SLC24A3: variants seen among roughly 807,000 people sequenced by gnomAD.
SLC24A3 encodes solute carrier family 24 member 3.
SLC24A3 carries 28 observed loss-of-function variants against 75.8 expected under a neutral mutation model. The observed-to-expected ratio is 0.37, with a 90% CI of 0.27 to 0.51. SLC24A3 has a LOEUF of 0.51. Among genes scored for constraint, SLC24A3 ranks in the 20% least tolerant of loss-of-function variants. The probability of loss-of-function intolerance (pLI) is 0.94; values close to 1 mark genes in which losing one functional copy is unlikely to be tolerated. For synonymous variants in SLC24A3, 372 were observed against 334.1 expected (o/e 1.11, Z -1.24); for missense variants, 663 against 847.8 (o/e 0.78, Z 2.71).
chr20:19,412,248 G>A (rs985220697), intron 2 of SLC24A3, among the ~76,000 whole-genome samples: 2 of 152,120 alleles, frequency 1.3e-5, no homozygotes, highest in Non-Finnish European at 2.9e-5. Flanking sequence ...AGGCAGGAGT[G>A]ACCCAGACAA....
chr20:19,601,264 A>G (rs2031523606), intron 6 of SLC24A3, among the ~76,000 whole-genome samples: 1 of 152,070 alleles, frequency 6.6e-6, no homozygotes, highest in Non-Finnish European at 1.5e-5. Flanking sequence ...GTCCCAATCC[A>G]CTTTTTCATG....
intron 6 of SLC24A3, among the ~76,000 whole-genome samples, chr20:19,619,185 C>T (rs942994): frequency 0.086 from 13,033 of 152,200 alleles, 1,108 homozygotes; most frequent in African/African-American, 0.22. Flanking sequence ...ACATAAGTGA[C>T]CTTGCATGGC....
intron 2 of SLC24A3, among the ~76,000 whole-genome samples, chr20:19,322,036 C>T (rs559662310): frequency 5.9e-5 from 9 of 152,110 alleles, no homozygotes; most frequent in Admixed American, 2.6e-4. Flanking sequence ...ATCAGGGGTG[C>T]GGTGCCCTTC....
At chr20:19,351,654 C>T (rs6106063) in intron 2 of SLC24A3, among the ~76,000 whole-genome samples, 52,534 of 151,936 alleles carry the variant, frequency 0.35, 9,773 homozygotes, top group Middle Eastern at 0.53. Flanking sequence ...CATCTTTTAT[C>T]GATAGTTGGA....
At chr20:19,543,936 T>G (rs2030545432) in intron 3 of SLC24A3, among the ~76,000 whole-genome samples, 1 of 152,198 alleles carries the variant, frequency 6.6e-6, no homozygotes, top group Admixed American at 6.5e-5. Flanking sequence ...GAATCCTGAG[T>G]GACTCCACAT....
chr20:19,495,810 C>T (rs1457784132), intron 2 of SLC24A3, among the ~76,000 whole-genome samples: 5 of 152,138 alleles, frequency 3.3e-5, no homozygotes, highest in African/African-American at 7.2e-5. Context: ...TCTTCCATAC[C>T]ATGTGGTTCT....
chr20:19,372,310 C>T (rs769779312), intron 2 of SLC24A3, among the ~76,000 whole-genome samples: 1 of 152,086 alleles, frequency 6.6e-6, no homozygotes, highest in African/African-American at 2.4e-5. Context: ...TATAAAGAGA[C>T]CATAAAGGAA....
intron 6 of SLC24A3, among the ~76,000 whole-genome samples, chr20:19,635,941 C>T (rs2031996143): frequency 6.6e-6 from 1 of 152,068 alleles, no homozygotes; most frequent in South Asian, 2.1e-4. Flanking sequence ...GAGATCGAGA[C>T]CATCCTGGCT....
chr20:19,539,801 G>A (rs907827140), intron 3 of SLC24A3, among the ~76,000 whole-genome samples: 2 of 152,180 alleles, frequency 1.3e-5, no homozygotes, highest in Non-Finnish European at 1.5e-5. Context: ...GATGAAAAAT[G>A]GGCAGCCATA....
intron 3 of SLC24A3, among the ~76,000 whole-genome samples, chr20:19,530,148 A>C (rs150093511): frequency 2.4e-4 from 36 of 152,322 alleles, no homozygotes; most frequent in African/African-American, 8.7e-4. Flanking sequence ...GTATTCATAT[A>C]TACTTGATTC....
chr20:19,369,881 TG>T (rs1200060292), intron 2 of SLC24A3, among the ~76,000 whole-genome samples: 3 of 152,168 alleles, frequency 2.0e-5, no homozygotes, highest in Non-Finnish European at 4.4e-5. Context: ...TTACAAAAAC[TG>T]GTCTCTAACT....
chr20:19,421,666 G>A (rs771369025), intron 2 of SLC24A3, among the ~76,000 whole-genome samples: 8 of 152,128 alleles, frequency 5.3e-5, no homozygotes, highest in Non-Finnish European at 1.0e-4. Flanking sequence ...GCTTGCAGAC[G>A]ATTTGAAGAG....
intron 4 of SLC24A3, 22 bp from the exon 5 acceptor site, chr20:19,584,949 C>T (rs1273657310): frequency 1.2e-6 from 2 of 1,604,546 alleles, no homozygotes; most frequent in Middle Eastern, 1.7e-4. Flanking sequence ...CTCACCTGTG[C>T]TTTGTCTTTG....
At chr20:19,356,739 C>A (rs1985692619) in intron 2 of SLC24A3, among the ~76,000 whole-genome samples, 1 of 152,056 alleles carries the variant, frequency 6.6e-6, no homozygotes, top group Non-Finnish European at 1.5e-5. Context: ...ACAGGTTCTA[C>A]CAAACTGTTC....
chr20:19,533,433 G>A (rs1383645403), intron 3 of SLC24A3, among the ~76,000 whole-genome samples: 1 of 152,224 alleles, frequency 6.6e-6, no homozygotes, highest in African/African-American at 2.4e-5. Flanking sequence ...TCACACTGCA[G>A]AAGAGCAGGT....
intron 2 of SLC24A3, among the ~76,000 whole-genome samples, chr20:19,338,979 G>C (rs1985201875): frequency 6.6e-6 from 1 of 152,194 alleles, no homozygotes; most frequent in Admixed American, 6.5e-5. Flanking sequence ...TTGTCACAGA[G>C]ATGTCATTTT....
chr20:19,286,784 A>T (rs1419719435), intron 2 of SLC24A3, among the ~76,000 whole-genome samples: 1 of 152,258 alleles, frequency 6.6e-6, no homozygotes, highest in East Asian at 1.9e-4. Flanking sequence ...ATTAATTTTA[A>T]TAATATGTTT....
intron 4 of SLC24A3, among the ~76,000 whole-genome samples, chr20:19,584,323 C>T (rs188633279): frequency 7.5e-4 from 114 of 152,220 alleles, no homozygotes; most frequent in African/African-American, 2.5e-3. Context: ...TCCAGAATGC[C>T]TCAAGGAAGG....
intron 1 of SLC24A3, among the ~76,000 whole-genome samples, chr20:19,263,898 C>G (rs1353459328): frequency 6.6e-6 from 1 of 152,086 alleles, no homozygotes; most frequent in African/African-American, 2.4e-5. Flanking sequence ...TATTTTAGTT[C>G]TGGTGTCAAG....
Sources: allele counts gnomAD v4.1 joint callset (sites outside exome capture counted in the v4.1 genomes callset), GRCh38; gene constraint gnomAD v4.1.1; transcripts MANE v1.5; gene names NCBI Gene and HGNC (gene_info 2026-07-23, HGNC 2026-07-21).